Variants in DLGAP2 observed in about 807,000 individuals in gnomAD.
DLGAP2 encodes the protein DLG associated protein 2.
A neutral mutation model predicts 100.3 loss-of-function variants in DLGAP2; 26 were observed. The observed-to-expected ratio is 0.26, with a 90% confidence interval of 0.19 to 0.36. DLGAP2 has a LOEUF of 0.36. Ranked by LOEUF, DLGAP2 falls within the 10% of genes least tolerant of loss-of-function variation. DLGAP2 has a pLI of 1.00. For missense variants in DLGAP2, 1,858 were observed against 1,453.2 expected, an observed-to-expected ratio of 1.28 and a Z score of -4.53; for synonymous variants, 886 against 630.1, an observed-to-expected ratio of 1.41 and a Z score of -6.08.
At chr8:1,641,313 T>G (rs1227653007) in intron 8 of DLGAP2, among the ~76,000 whole-genome samples, 2 of 152,098 alleles carry the variant, frequency 1.3e-5, no homozygotes, top group African/African-American at 2.4e-5. Flanking sequence ...TTCATAAAGA[T>G]TTTCCCCAAG....
At chr8:1,106,317 G>A (rs985338117) in intron 2 of DLGAP2, among the ~76,000 whole-genome samples, 11 of 141,730 alleles carry the variant, frequency 7.8e-5, no homozygotes, top group African/African-American at 2.4e-4. Flanking sequence ...GTTTTCTATT[G>A]AGGGGGAGCC....
At chr8:1,594,075 G>T (rs1796371632) in intron 6 of DLGAP2, among the ~76,000 whole-genome samples, 1 of 152,154 alleles carries the variant, frequency 6.6e-6, no homozygotes, top group Non-Finnish European at 1.5e-5. Flanking sequence ...GAAAACCACA[G>T]CTACCTTCTT....
At chr8:1,420,514 G>T (rs2129932048) in intron 3 of DLGAP2, among the ~76,000 whole-genome samples, 1 of 152,216 alleles carries the variant, frequency 6.6e-6, no homozygotes, top group South Asian at 2.1e-4. Context: ...ACAACTCTAT[G>T]CATGTCACTA....
intron 1 of DLGAP2, among the ~76,000 whole-genome samples, chr8:781,704 A>G (rs888193967): frequency 1.4e-4 from 22 of 152,220 alleles, no homozygotes; most frequent in African/African-American, 4.6e-4. Flanking sequence ...GAACGAACTT[A>G]CTTCTTAGAG....
chr8:1,277,167 T>C lies in DLGAP2; in HGVS notation c.106+18284T>C, dbSNP rs151287863. On this transcript the variant is annotated intron_variant, in intron 3 of 14. Coordinates refer to ENST00000637795, the MANE Select transcript of DLGAP2 (RefSeq NM_001346810.2). ...GCAGAATCTAGAAATCTCAGAAATA[T>C]AGTGTTTCATTCAAAGTGTGGCTAT... is the stretch of plus-strand genomic sequence containing the variant. 2.8e-4 allele frequency among the ~76,000 whole-genome samples: 42 copies of C among 152,324 alleles called. 1 individual carries two copies. Among genetic ancestry groups the C allele is most frequent in the African/African-American group, 7.0e-4 (29 of 41,574 alleles).
intron 2 of DLGAP2, among the ~76,000 whole-genome samples, chr8:1,102,275 A>G (rs1044451288): frequency 1.4e-5 from 2 of 147,688 alleles, no homozygotes; most frequent in Non-Finnish European, 3.0e-5. Flanking sequence ...ATACATATAT[A>G]ATATATAATA....
intron 3 of DLGAP2, among the ~76,000 whole-genome samples, chr8:1,367,772 C>G (rs939825080): frequency 2.6e-5 from 4 of 152,210 alleles, no homozygotes; most frequent in African/African-American, 9.6e-5. Context: ...GAAAATCACT[C>G]TGTTGTGTAT....
chr8:1,255,008 T>TGGGTGCTGTGTGTGTGTCCTCTCCTGCCC (rs2116891398), intron 2 of DLGAP2, among the ~76,000 whole-genome samples: 1 of 33,938 alleles, frequency 2.9e-5, no homozygotes, highest in East Asian at 8.7e-4. Context: ...TCATCCTGCT[T>TGGGTGCTGTGTGTGTGTCCTCTCCTGCCC]GGGCGCTGTG....
chr8:1,302,519 G>A (rs762554491), intron 3 of DLGAP2: 3 of 151,264 alleles, frequency 2.0e-5, no homozygotes, highest in Admixed American at 6.6e-5. Flanking sequence ...GTGAATTCTC[G>A]AGCTCTGCTC....
intron 1 of DLGAP2, among the ~76,000 whole-genome samples, chr8:772,186 C>T (rs1821380957): frequency 6.6e-6 from 1 of 152,158 alleles, no homozygotes; most frequent in South Asian, 2.1e-4. Context: ...CAGGCATCAG[C>T]CACTGTGCCC....
intron 2 of DLGAP2, among the ~76,000 whole-genome samples, chr8:943,693 G>C (rs1232219134): frequency 6.6e-6 from 1 of 151,924 alleles, no homozygotes; most frequent in East Asian, 2.0e-4. Flanking sequence ...TCATGTGGAG[G>C]ATCTGGCATG....
At chr8:1,196,496 G>C (rs12678075) in intron 2 of DLGAP2, among the ~76,000 whole-genome samples, 56,680 of 152,088 alleles carry the variant, frequency 0.37, 10,747 homozygotes, top group Admixed American at 0.46. Context: ...CACGTTTCAA[G>C]CCTGAGCTGG....
At chr8:1,114,006 T>A (rs1223267120) in intron 2 of DLGAP2, among the ~76,000 whole-genome samples, 1 of 152,220 alleles carries the variant, frequency 6.6e-6, no homozygotes, top group Non-Finnish European at 1.5e-5. Context: ...CATTGATTGA[T>A]TTGTGTATGT....
At chr8:1,560,534 C>T (rs952339440) in intron 5 of DLGAP2, among the ~76,000 whole-genome samples, 1 of 152,188 alleles carries the variant, frequency 6.6e-6, no homozygotes, top group Non-Finnish European at 1.5e-5. Flanking sequence ...TGACCCTGGG[C>T]TGCATTGTCT....
chr8:791,987 G>A (rs73539429), intron 1 of DLGAP2, among the ~76,000 whole-genome samples: 4,004 of 152,276 alleles, frequency 0.026, 169 homozygotes, highest in African/African-American at 0.093. Flanking sequence ...CTGTCACTGC[G>A]TTAAGCAAGT....
At chr8:1,142,439 G>A (rs1796538200) in intron 2 of DLGAP2, among the ~76,000 whole-genome samples, 1 of 152,218 alleles carries the variant, frequency 6.6e-6, no homozygotes, top group East Asian at 1.9e-4. Flanking sequence ...TTCGCACACA[G>A]AGATTAGAAG....
chr8:1,569,564 TTA>T (rs1802568331), intron 6 of DLGAP2, among the ~76,000 whole-genome samples: 1 of 152,240 alleles, frequency 6.6e-6, no homozygotes, highest in South Asian at 2.1e-4. Context: ...GCATCTTAGT[TTA>T]TCTTATATTC....
At chr8:1,197,012 G>A (rs1037756041) in intron 2 of DLGAP2, among the ~76,000 whole-genome samples, 5 of 152,134 alleles carry the variant, frequency 3.3e-5, no homozygotes, top group East Asian at 1.9e-4. Flanking sequence ...CCTGAAAATC[G>A]GGGTGGGCAA....
At chr8:1,664,626 A>C (rs1327807668) in intron 8 of DLGAP2, among the ~76,000 whole-genome samples, 1 of 152,134 alleles carries the variant, frequency 6.6e-6, no homozygotes. Context: ...CCCCTTATCA[A>C]TGGTCTCTGG....
Sources: gnomAD v4.1 joint callset for allele counts (sites outside exome capture counted in the v4.1 genomes callset) on GRCh38, gnomAD v4.1.1 for gene constraint, MANE v1.5 for transcripts, NCBI Gene and HGNC (gene_info 2026-07-23, HGNC 2026-07-21) for gene names.